UGT1A8: variants seen among roughly 807,000 people sequenced by gnomAD.
The protein encoded by UGT1A8 is UDP glucuronosyltransferase family 1 member A8, also known as UDP-glucuronosyltransferase 1A8.
In UGT1A8, 39 loss-of-function variants were observed where a neutral mutation model predicts 45.3. The ratio of observed to expected loss-of-function variants is 0.86; its 90% CI spans 0.67 to 1.12. UGT1A8 has a LOEUF of 1.12. Among genes scored for constraint, UGT1A8 ranks in the 50% most tolerant of loss-of-function variants. The probability of loss-of-function intolerance (pLI) is 0.00; values close to 1 mark genes in which losing one functional copy is unlikely to be tolerated. For synonymous variants in UGT1A8, 275 were observed against 249.2 expected (o/e 1.10, Z -0.97); for missense variants, 719 against 664.9 (o/e 1.08, Z -0.90).
At chr2:233,619,387 T>C (rs2072958975) in intron 1 of UGT1A8, among the ~76,000 whole-genome samples, 1 of 152,198 alleles carries the variant, frequency 6.6e-6, no homozygotes, top group South Asian at 2.1e-4. Context: ...TGAATAAGGC[T>C]GTGTAAACAT....
chr2:233,627,764 A>G (rs534170378), intron 1 of UGT1A8, among the ~76,000 whole-genome samples: 23 of 151,676 alleles, frequency 1.5e-4, no homozygotes, highest in African/African-American at 5.6e-4. Flanking sequence ...AGCTCAGCCT[A>G]TGGTCCCAAT....
At chr2:233,770,192 A>G (rs1288564889) in intron 4 of UGT1A8, 1 of 152,232 alleles carries the variant, frequency 6.6e-6, no homozygotes, top group African/African-American at 2.4e-5. Context: ...ACTAACTTTC[A>G]TCTATTCATT....
chr2:233,703,265 T>C (rs2075729501), intron 1 of UGT1A8, among the ~76,000 whole-genome samples: 1 of 152,208 alleles, frequency 6.6e-6, no homozygotes, highest in South Asian at 2.1e-4. Flanking sequence ...TATAATACTT[T>C]CTGTTTCTGT....
chr2:233,772,315 A>T lies in UGT1A8; in HGVS notation c.1349A>T (p.Glu450Val). The change falls in exon 5 of 5, where the codon GAG becomes GTG. Residue 450 changes from glutamate to valine, a missense_variant. Physicochemically the swap from Glu to Val is moderately radical, Grantham distance 121. Transcript: ENST00000373450. ...AGCCTTCACAAGGACCGCCCGGTGG[A>T]GCCGCTGGACCTGGCCGTGTTCTGG... ...LSSLHKDRPV[E>V]PLDLAVFWVE... is the part of the protein sequence containing the mutation. 1 of 1,614,114 alleles carries T rather than the reference A, an allele frequency of 6.2e-7. No individual in the cohort carries two copies. The highest frequency in any genetic ancestry group is 8.5e-7 in the Non-Finnish European group (1 of 1,180,032).
intron 1 of UGT1A8, among the ~76,000 whole-genome samples, chr2:233,741,289 C>T (rs1426426367): frequency 2.6e-5 from 4 of 151,770 alleles, no homozygotes; most frequent in African/African-American, 7.3e-5. Context: ...GATTTATGTA[C>T]CCAATTGTGT....
rs765399769 is a variant in UGT1A8, at chr2:233,682,599, C to T, written c.855+64037C>T. 2.5e-6 allele frequency: 4 copies of T among 1,613,876 alleles called. No homozygotes were observed. The South Asian group carries it at 3.3e-5, about 13-fold the overall frequency. On this transcript the variant is annotated intron_variant, in intron 1 of 4. Coordinates refer to ENST00000373450, the MANE Select transcript of UGT1A8 (RefSeq NM_019076.5). ...CACTTGGAGGAACATTTATTTTGCC[C>T]CTATTTTTTCAAAAATGTCTTAGAA...
chr2:233,658,748 T>C (rs918186282), intron 1 of UGT1A8, among the ~76,000 whole-genome samples: 3 of 152,238 alleles, frequency 2.0e-5, no homozygotes, highest in Non-Finnish European at 4.4e-5. Flanking sequence ...CTCCACTGAA[T>C]TGTCTTTGCA....
At chr2:233,652,096 C>T (rs1233931321) in intron 1 of UGT1A8, among the ~76,000 whole-genome samples, 1 of 152,098 alleles carries the variant, frequency 6.6e-6, no homozygotes, top group Non-Finnish European at 1.5e-5. Flanking sequence ...TACTCTTTAC[C>T]ATCCAGGGTG....
chr2:233,745,888 G>A (rs1423875334), intron 1 of UGT1A8, among the ~76,000 whole-genome samples: 1 of 151,512 alleles, frequency 6.6e-6, no homozygotes, highest in African/African-American at 2.4e-5. Flanking sequence ...TGTTGGTGGG[G>A]TGGCGTTTTT....
chr2:233,620,098 A>T (rs1021634958), intron 1 of UGT1A8, among the ~76,000 whole-genome samples: 1 of 152,214 alleles, frequency 6.6e-6, no homozygotes, highest in African/African-American at 2.4e-5. Context: ...AAGGTTCAGT[A>T]GACTTTGTAA....
intron 1 of UGT1A8, among the ~76,000 whole-genome samples, chr2:233,704,256 C>CTTTTTTTTTT (rs59925871): frequency 6.5e-5 from 8 of 123,648 alleles, no homozygotes; most frequent in East Asian, 2.2e-4. Flanking sequence ...GCCTTTATTG[C>CTTTTTTTTTT]TTTTTTTTTT....
intron 1 of UGT1A8, among the ~76,000 whole-genome samples, chr2:233,736,926 C>T (rs1389515258): frequency 2.0e-5 from 3 of 152,150 alleles, no homozygotes; most frequent in Non-Finnish European, 4.4e-5. Flanking sequence ...ACCAGAGGCG[C>T]ACCCACCTAT....
rs1279471770 is a variant in UGT1A8 at position 233,646,971 on chromosome 2, A to G, written c.855+28409A>G. The stretch of plus-strand genomic sequence containing the variant: ...AGACTAAGGAATTTACAAAAGACAG[A>G]GGTTTAATTGACTTAGAGTTCCACA... On this transcript the variant is annotated intron_variant, in intron 1 of 4. Transcript: ENST00000373450. 5.3e-5 allele frequency among the ~76,000 whole-genome samples: 8 copies of G among 152,338 alleles called. No individual in the cohort carries two copies. The South Asian group carries it at 8.3e-4, about 16-fold the overall frequency.
At chr2:233,686,703 C>T (rs1289178074) in intron 1 of UGT1A8, among the ~76,000 whole-genome samples, 1 of 152,174 alleles carries the variant, frequency 6.6e-6, no homozygotes, top group Non-Finnish European at 1.5e-5. Flanking sequence ...CTCTGGCCTG[C>T]ACCCTCCCAC....
chr2:233,681,936 T>C (rs1250041568), intron 1 of UGT1A8: 1 of 1,611,852 alleles, frequency 6.2e-7, no homozygotes, highest in Admixed American at 1.7e-5. Flanking sequence ...TGAAGTTCTC[T>C]GATGGCTCGT....
At chr2:233,634,473 C>T (rs1447243545) in intron 1 of UGT1A8, among the ~76,000 whole-genome samples, 4 of 151,772 alleles carry the variant, frequency 2.6e-5, no homozygotes, top group Non-Finnish European at 4.4e-5. Context: ...TAAGAACTTG[C>T]TTTATGGGTG....
At chr2:233,702,439 G>A (rs1026560419) in intron 1 of UGT1A8, among the ~76,000 whole-genome samples, 9 of 151,954 alleles carry the variant, frequency 5.9e-5, no homozygotes, top group African/African-American at 1.9e-4. Flanking sequence ...TTTCTAATAA[G>A]GATAACATTT....
intron 1 of UGT1A8, among the ~76,000 whole-genome samples, chr2:233,636,072 G>C (rs961153114): frequency 6.6e-6 from 1 of 151,004 alleles, no homozygotes; most frequent in African/African-American, 2.4e-5. Context: ...GAGCCTTGCT[G>C]TCTTTCCCTG....
chr2:233,739,272 C>A (rs1444866031), intron 1 of UGT1A8, among the ~76,000 whole-genome samples: 1 of 152,138 alleles, frequency 6.6e-6, no homozygotes, highest in African/African-American at 2.4e-5. Context: ...AGGTTGGAGC[C>A]CCCACACAGA....
Sources: allele counts gnomAD v4.1 joint callset (sites outside exome capture counted in the v4.1 genomes callset), GRCh38; gene constraint gnomAD v4.1.1; transcripts MANE v1.5; gene names NCBI Gene and HGNC (gene_info 2026-07-23, HGNC 2026-07-21).